EYS: variants seen among roughly 807,000 people sequenced by gnomAD.
EYS encodes the protein protein eyes shut homolog.
In EYS, 250 loss-of-function variants were observed where a neutral mutation model predicts 282.1. The observed-to-expected ratio is 0.89, with a 90% CI of 0.80 to 0.98. The LOEUF is 0.98. Among genes scored for constraint, EYS ranks in the 50% least tolerant of loss-of-function variants. The pLI is 0.00. For synonymous variants in EYS, 1,355 were observed against 1,282.9 expected, an observed-to-expected ratio of 1.06 and a Z score of -1.20; for missense variants, 4,016 against 3,709.0, an observed-to-expected ratio of 1.08 and a Z score of -2.15.
At chr6:63,954,428 A>T (rs1213364813) in intron 35 of EYS, among the ~76,000 whole-genome samples, 1 of 152,170 alleles carries the variant, frequency 6.6e-6, no homozygotes, top group African/African-American at 2.4e-5. Context: ...ACTGACTCTT[A>T]ACATGCCTTC....
chr6:65,114,444 G>T (rs975616), intron 12 of EYS, among the ~76,000 whole-genome samples: 38,451 of 145,150 alleles, frequency 0.26, 6,386 homozygotes, highest in African/African-American at 0.45. Flanking sequence ...TAGACATTTG[G>T]GTAATCTTTC....
At chr6:64,547,285 A>C (rs904771853) in intron 26 of EYS, among the ~76,000 whole-genome samples, 1 of 152,032 alleles carries the variant, frequency 6.6e-6, no homozygotes, top group African/African-American at 2.4e-5. Flanking sequence ...ATCTGGCCCC[A>C]CCCACATCCT....
At chr6:64,304,168 T>C (rs1293542640) in intron 30 of EYS, among the ~76,000 whole-genome samples, 1 of 152,200 alleles carries the variant, frequency 6.6e-6, no homozygotes, top group Non-Finnish European at 1.5e-5. Context: ...CAGAGCCCCT[T>C]AGCCACACTG....
intron 2 of EYS, among the ~76,000 whole-genome samples, chr6:65,525,761 T>G (rs1025206742): frequency 3.3e-5 from 5 of 152,360 alleles, no homozygotes; most frequent in African/African-American, 1.2e-4. Flanking sequence ...TCTTGCCTCA[T>G]GGCAATGAGT....
intron 14 of EYS, among the ~76,000 whole-genome samples, chr6:64,997,123 G>A (rs1583376705): frequency 6.6e-6 from 1 of 152,060 alleles, no homozygotes. Flanking sequence ...ATGTACTGAA[G>A]GGACAACACC....
At chr6:65,576,823 C>G (rs183278257) in intron 2 of EYS, among the ~76,000 whole-genome samples, 241 of 151,710 alleles carry the variant, frequency 1.6e-3, no homozygotes, top group Admixed American at 2.4e-3. Flanking sequence ...TTATTCACCA[C>G]AGCTATAAAA....
intron 23 of EYS, among the ~76,000 whole-genome samples, chr6:64,622,202 T>C (rs1461327643): frequency 6.6e-6 from 1 of 152,158 alleles, no homozygotes; most frequent in Admixed American, 6.6e-5. Flanking sequence ...TCAAGTCTTA[T>C]ACCTTGTTGG....
chr6:64,176,135 G>T (rs1481795482), intron 31 of EYS, among the ~76,000 whole-genome samples: 3 of 152,018 alleles, frequency 2.0e-5, no homozygotes, highest in Non-Finnish European at 4.4e-5. Context: ...AGCAAGTGTG[G>T]CAGGGTCCAT....
chr6:63,726,502 C>T lies in EYS; in HGVS notation c.8233+17G>A, dbSNP rs1301705188. On this transcript the variant is annotated intron_variant, in intron 42 of 42. Coordinates refer to ENST00000503581, the MANE Select transcript of EYS (RefSeq NM_001142800.2). ...ATTAGGAATTCATTCTGCAAACAAACAGCCTGCCAATCTTACCTGATTGGG... is the reference window on the plus strand; with the variant it reads ...ATTAGGAATTCATTCTGCAAACAAATAGCCTGCCAATCTTACCTGATTGGG... 1.9e-5 allele frequency: 29 copies of T among 1,542,306 alleles called. No homozygotes were observed. Among genetic ancestry groups the T allele is most frequent in the Non-Finnish European group, 2.5e-5 (29 of 1,142,774 alleles).
chr6:65,448,708 T>C (rs974809997), intron 5 of EYS, among the ~76,000 whole-genome samples: 4 of 152,064 alleles, frequency 2.6e-5, no homozygotes, highest in Non-Finnish European at 5.9e-5. Flanking sequence ...AGAGTAAGTT[T>C]TTGACTTCTT....
intron 2 of EYS, among the ~76,000 whole-genome samples, chr6:65,541,352 T>C (rs1330520665): frequency 6.6e-6 from 1 of 152,206 alleles, no homozygotes; most frequent in Non-Finnish European, 1.5e-5. Context: ...TCAGAGATTA[T>C]TGAATTTTAC....
intron 33 of EYS, among the ~76,000 whole-genome samples, chr6:64,001,835 A>G (rs1768109642): frequency 6.6e-6 from 1 of 152,242 alleles, no homozygotes; most frequent in Non-Finnish European, 1.5e-5. Context: ...ACTAATATCA[A>G]CAGTGGCTAT....
chr6:64,914,404 A>G (rs541532489), intron 15 of EYS, among the ~76,000 whole-genome samples: 1 of 152,260 alleles, frequency 6.6e-6, no homozygotes, highest in South Asian at 2.1e-4. Flanking sequence ...TTACTGATAG[A>G]TTAGATTTTT....
In EYS at chr6:64,751,416, C is replaced by T. The variant is rs577074720; in HGVS notation, c.3443+61962G>A. Among the ~76,000 whole-genome samples, 20 of 152,294 alleles carry T rather than the reference C, an allele frequency of 1.3e-4. No individual in the cohort carries two copies. In the South Asian group the frequency reaches 2.5e-3, roughly 19 times the overall value. On this transcript the variant is annotated intron_variant, in intron 22 of 42. Transcript: ENST00000503581. ...AGTGGAGGTTTCTCCACTCCACACC[C>T]GGGCACAAGTCTGGGTGTTGAATGG...
Position 64,912,367 on chromosome 6 carries a change from C to A in EYS, c.2641+117G>T, listed in dbSNP as rs188367805. On this transcript the variant is annotated intron_variant, in intron 16 of 42. Transcript: ENST00000503581. ...TTGAAGTTAGATAGTCCCCTACCCA[C>A]AATGTACATAGGATTTTTCCAACCC... is the stretch of plus-strand genomic sequence containing the variant. The A allele has an allele frequency of 4.2e-5, 34 of 814,706 alleles. 2 individuals are homozygous for A. In the African/African-American group the frequency reaches 4.5e-4, roughly 11 times the overall value. The allele number at this position is 814,706 out of a possible 1,614,324, so 50.5% of individuals were successfully genotyped here.
chr6:63,845,736 C>A (rs1772081766), intron 36 of EYS, among the ~76,000 whole-genome samples: 1 of 152,082 alleles, frequency 6.6e-6, no homozygotes, highest in South Asian at 2.1e-4. Flanking sequence ...AAATTTGTAG[C>A]CTTTTGTTTA....
At chr6:65,673,843 C>T (rs950278637) in intron 1 of EYS, among the ~76,000 whole-genome samples, 1 of 151,860 alleles carries the variant, frequency 6.6e-6, no homozygotes, top group Non-Finnish European at 1.5e-5. Flanking sequence ...AGGCCTCTAC[C>T]CATACAGTGA....
chr6:64,728,099 G>C (rs78339177), intron 22 of EYS, among the ~76,000 whole-genome samples: 2,533 of 152,214 alleles, frequency 0.017, 65 homozygotes, highest in African/African-American at 0.057. Context: ...TTGAGGAGGG[G>C]AGTGCAGGTG....
At chr6:65,580,312 T>C (rs912584498) in intron 2 of EYS, among the ~76,000 whole-genome samples, 29 of 152,078 alleles carry the variant, frequency 1.9e-4, no homozygotes, top group Non-Finnish European at 5.9e-5. Flanking sequence ...AAAACAACTA[T>C]AAATATTAAG....
Sources: allele counts gnomAD v4.1 joint callset (sites outside exome capture counted in the v4.1 genomes callset), GRCh38; gene constraint gnomAD v4.1.1; transcripts MANE v1.5; gene names NCBI Gene and HGNC (gene_info 2026-07-23, HGNC 2026-07-21).